Variants in FAM227B observed in about 807,000 individuals in gnomAD.
FAM227B encodes the protein protein FAM227B.
A neutral mutation model predicts 73.8 loss-of-function variants in FAM227B; 88 were observed. The ratio of observed to expected loss-of-function variants is 1.19; its 90% CI spans 1.00 to 1.42. The LOEUF is 1.42. Among genes scored for constraint, FAM227B ranks in the 40% most tolerant of loss-of-function variants. FAM227B has a pLI of 0.00. For synonymous variants in FAM227B, 210 were observed against 190.5 expected (o/e 1.10, Z -0.84); for missense variants, 632 against 590.9 (o/e 1.07, Z -0.72).
intron 5 of FAM227B, among the ~76,000 whole-genome samples, chr15:49,585,218 T>C (rs1487312576): frequency 6.6e-6 from 1 of 152,028 alleles, no homozygotes; most frequent in Non-Finnish European, 1.5e-5. Context: ...TGTGGAGAAA[T>C]AGGAACACTT....
intron 11 of FAM227B, among the ~76,000 whole-genome samples, chr15:49,495,622 T>C (rs1360867715): frequency 3.3e-5 from 5 of 152,226 alleles, no homozygotes; most frequent in African/African-American, 1.2e-4. Context: ...GTGGAAATTT[T>C]ACTGGCTTAG....
intron 3 of FAM227B, among the ~76,000 whole-genome samples, chr15:49,604,345 T>C (rs2077380405): frequency 6.9e-6 from 1 of 145,536 alleles, no homozygotes; most frequent in Admixed American, 6.8e-5. Flanking sequence ...AATTCTTTGT[T>C]GGCAGTTTTT....
At position 49,327,053 on chromosome 15, in the gene FAM227B, T is replaced by C. The variant is rs932806487; in HGVS notation, c.*1515A>G. Reference sequence around the variant, plus strand: ...AATTGTAAGTACATGTTAACTTTCGTGTCAGGATAAATTGCATCTTTTAAA... The same window carrying C: ...AATTGTAAGTACATGTTAACTTTCGCGTCAGGATAAATTGCATCTTTTAAA... On this transcript the variant is annotated 3_prime_UTR_variant, in exon 16 of 16. Coordinates refer to ENST00000299338, the MANE Select transcript of FAM227B (RefSeq NM_152647.3). The C allele has an allele frequency of 6.6e-6, 1 of 152,160 alleles. No individual in the cohort carries two copies. The highest frequency in any genetic ancestry group is 1.5e-5 in the Non-Finnish European group (1 of 68,036). The allele number at this position is 152,160 out of a possible 1,614,324, so 9.4% of individuals were successfully genotyped here.
At chr15:49,470,054 A>G (rs2054598841) in intron 11 of FAM227B, among the ~76,000 whole-genome samples, 1 of 152,154 alleles carries the variant, frequency 6.6e-6, no homozygotes, top group African/African-American at 2.4e-5. Flanking sequence ...GTAAAATTTA[A>G]GCCCTGCATA....
intron 11 of FAM227B, among the ~76,000 whole-genome samples, chr15:49,495,814 G>A (rs2057549976): frequency 6.6e-6 from 1 of 152,094 alleles, no homozygotes; most frequent in African/African-American, 2.4e-5. Flanking sequence ...CTTGAGGTCA[G>A]GAGTTTGAGA....
intron 11 of FAM227B, chr15:49,422,813 G>C (rs1483387640): frequency 1.9e-6 from 2 of 1,075,388 alleles, no homozygotes; most frequent in African/African-American, 3.1e-5. Context: ...AGTGCTTTAA[G>C]GCACTCATAT....
At chr15:49,436,302 G>C (rs1286754922) in intron 11 of FAM227B, among the ~76,000 whole-genome samples, 1 of 151,566 alleles carries the variant, frequency 6.6e-6, no homozygotes, top group Non-Finnish European at 1.5e-5. Flanking sequence ...ACAAAGATTA[G>C]ATATTGCATA....
intron 8 of FAM227B, among the ~76,000 whole-genome samples, chr15:49,571,115 G>A (rs528380390): frequency 3.0e-4 from 46 of 151,250 alleles, no homozygotes; most frequent in African/African-American, 9.9e-4. Context: ...TGGATCTTAC[G>A]GTGATTCTAC....
chr15:49,344,489 T>G (rs997131969), intron 13 of FAM227B, among the ~76,000 whole-genome samples: 10 of 152,216 alleles, frequency 6.6e-5, no homozygotes, highest in African/African-American at 2.2e-4. Flanking sequence ...AATCACTAGT[T>G]TCTCCTCTCA....
intron 11 of FAM227B, among the ~76,000 whole-genome samples, chr15:49,413,904 C>A (rs774008366): frequency 2.0e-5 from 3 of 151,456 alleles, no homozygotes; most frequent in Non-Finnish European, 4.4e-5. Context: ...TGTATCAGAT[C>A]TGAGCTTAAA....
At chr15:49,531,000 A>T (rs1567501986) in intron 10 of FAM227B, among the ~76,000 whole-genome samples, 1 of 151,788 alleles carries the variant, frequency 6.6e-6, no homozygotes, top group Non-Finnish European at 1.5e-5. Flanking sequence ...ATAATGTTTT[A>T]CTATGCATTA....
At position 49,339,751 on chromosome 15, in the gene FAM227B, C is replaced by A. The variant is rs150364696; in HGVS notation, c.1272-4255G>T. 6.3e-3 allele frequency among the ~76,000 whole-genome samples: 967 copies of A among 152,316 alleles called. 13 individuals carry two copies. Among genetic ancestry groups the A allele is most frequent in the African/African-American group, 0.022 (911 of 41,566 alleles). ...CCGCCCCTTGCCCCACGTGCTCTGT[C>A]CCAGGTAGGTGGGGGTTTTATCTAT... On this transcript the variant is annotated intron_variant, in intron 13 of 15. Transcript: ENST00000299338.
chr15:49,592,553 T>C (rs2076644343), intron 3 of FAM227B, among the ~76,000 whole-genome samples: 1 of 152,246 alleles, frequency 6.6e-6, no homozygotes, highest in Non-Finnish European at 1.5e-5. Flanking sequence ...ATCCTTACTC[T>C]GGAAGCTTCG....
At chr15:49,590,721 C>T (rs2076472173) in intron 3 of FAM227B, among the ~76,000 whole-genome samples, 1 of 152,136 alleles carries the variant, frequency 6.6e-6, no homozygotes, top group African/African-American at 2.4e-5. Context: ...TTTTCAAGTA[C>T]ACCATACATT....
intron 3 of FAM227B, among the ~76,000 whole-genome samples, chr15:49,600,950 G>A (rs149536170): frequency 0.012 from 1,734 of 149,710 alleles, 16 homozygotes; most frequent in Middle Eastern, 0.035. Context: ...GCTGAAGCAG[G>A]AGAATCACTT....
chr15:49,469,292 G>A (rs954390014), intron 11 of FAM227B, among the ~76,000 whole-genome samples: 1 of 151,880 alleles, frequency 6.6e-6, no homozygotes, highest in Non-Finnish European at 1.5e-5. Flanking sequence ...ACCACTTATC[G>A]AATACTGTCT....
At chr15:49,368,179 A>G (rs921500028) in intron 12 of FAM227B, among the ~76,000 whole-genome samples, 11 of 147,386 alleles carry the variant, frequency 7.5e-5, no homozygotes, top group Admixed American at 6.1e-4. Flanking sequence ...GTGCTGATGG[A>G]AAAAAAAAAA....
At chr15:49,482,015 G>A (rs2055992336) in intron 11 of FAM227B, among the ~76,000 whole-genome samples, 2 of 151,944 alleles carry the variant, frequency 1.3e-5, no homozygotes, top group African/African-American at 4.8e-5. Context: ...GAAGGTATGG[G>A]GCAAAACAAT....
intron 9 of FAM227B, among the ~76,000 whole-genome samples, chr15:49,548,081 T>C (rs1172419363): frequency 6.6e-6 from 1 of 152,218 alleles, no homozygotes; most frequent in African/African-American, 2.4e-5. Flanking sequence ...ACAGTGTGTA[T>C]CCTTGTCATG....
Sources: allele counts gnomAD v4.1 joint callset (sites outside exome capture counted in the v4.1 genomes callset), GRCh38; gene constraint gnomAD v4.1.1; transcripts MANE v1.5; gene names NCBI Gene and HGNC (gene_info 2026-07-23, HGNC 2026-07-21).